The following PRPSAP2 variants were observed in gnomAD, a reference collection of about 807,000 sequenced individuals.
The protein encoded by PRPSAP2 is phosphoribosyl pyrophosphate synthetase associated protein 2, also known as phosphoribosyl pyrophosphate synthase-associated protein 2.
In PRPSAP2, 24 loss-of-function variants were observed where a neutral mutation model predicts 40.6. The ratio of observed to expected loss-of-function variants is 0.59; its 90% CI spans 0.43 to 0.83. The LOEUF (loss-of-function observed/expected upper bound fraction) is 0.83, where lower values mean the gene tolerates loss of function less well. Ranked by LOEUF, PRPSAP2 falls within the 40% of genes least tolerant of loss-of-function variation. The pLI is 0.00. For synonymous variants in PRPSAP2, 149 were observed against 164.7 expected (o/e 0.90, Z 0.73); for missense variants, 292 against 465.6 (o/e 0.63, Z 3.43).
chr17:18,866,486 C>T lies in PRPSAP2; in HGVS notation c.119+534C>T, dbSNP rs373928281. 4.0e-4 allele frequency among the ~76,000 whole-genome samples: 61 copies of T among 152,166 alleles called. 1 individual carries two copies. Among genetic ancestry groups the T allele is most frequent in the African/African-American group, 1.3e-3 (55 of 41,528 alleles). The stretch of plus-strand genomic sequence containing the variant: ...GGCTGAGGCAGGAGAATCGCTTGAA[C>T]GCAGGAGGGTTGCAGTGAGCTGAGA... On this transcript the variant is annotated intron_variant, in intron 3 of 11. Transcript: ENST00000268835.
chr17:18,896,361 C>T (rs184529881), intron 8 of PRPSAP2, among the ~76,000 whole-genome samples: 173 of 152,242 alleles, frequency 1.1e-3, no homozygotes, highest in African/African-American at 3.9e-3. Flanking sequence ...ATCTCCCACT[C>T]TCTTCAAGGT....
At position 18,867,310 on chromosome 17, in the gene PRPSAP2, C is replaced by T; in HGVS notation, c.148C>T (p.Gln50Ter). Residue 50 changes from glutamine (Q) to a stop codon, truncating the protein, a stop_gained, in exon 4 of 12, where the codon CAG becomes TAG. Transcript: ENST00000268835. LOFTEE classifies it high-confidence loss of function. ...GCTAGGGGTGGAGATGGGCAAAGTG[C>T]AGGTTTACCAGGAACCTAACAGAGG... ...ERLGVEMGKVQVYQEPNRETR... is the reference protein window; with the variant it reads ...ERLGVEMGKV 1 of 1,614,078 alleles carries T rather than the reference C, an allele frequency of 6.2e-7. No homozygotes were observed. Among genetic ancestry groups the T allele is most frequent in the Non-Finnish European group, 8.5e-7 (1 of 1,180,012 alleles).
intron 8 of PRPSAP2, among the ~76,000 whole-genome samples, chr17:18,899,968 C>T (rs1266261219): frequency 6.6e-6 from 1 of 152,230 alleles, no homozygotes; most frequent in Non-Finnish European, 1.5e-5. Context: ...CTCACTGCAA[C>T]CTCCGCTCCC....
intron 5 of PRPSAP2, among the ~76,000 whole-genome samples, chr17:18,877,245 CAGCAAAGGGG>C (rs541267816): frequency 1.7e-3 from 256 of 152,146 alleles, no homozygotes; most frequent in African/African-American, 6.0e-3. Flanking sequence ...GTAAGATGTA[CAGCAAAGGGG>C]AGCAGAGGGG....
intron 7 of PRPSAP2, among the ~76,000 whole-genome samples, chr17:18,885,431 T>TA (rs2039069033): frequency 4.8e-5 from 5 of 103,766 alleles, no homozygotes; most frequent in Non-Finnish European, 8.5e-5. Context: ...AAAAAAAAAT[T>TA]AATATGTGGG....
intron 6 of PRPSAP2, among the ~76,000 whole-genome samples, chr17:18,880,379 C>A (rs2038642021): frequency 6.6e-6 from 1 of 152,152 alleles, no homozygotes; most frequent in Non-Finnish European, 1.5e-5. Context: ...TCTCCAATTT[C>A]CAGGCTGGTG....
chr17:18,882,490 G>A, intron 6 of PRPSAP2, 78 bp from the exon 7 acceptor site: 2 of 920,114 alleles, frequency 2.2e-6, no homozygotes, highest in Admixed American at 4.0e-5. Flanking sequence ...CAGCCTGGGT[G>A]ACAGAATGGG....
chr17:18,919,686 A>G (rs1363695405), intron 9 of PRPSAP2, among the ~76,000 whole-genome samples: 1 of 152,164 alleles, frequency 6.6e-6, no homozygotes, highest in Non-Finnish European at 1.5e-5. Flanking sequence ...AGCAGGAGGG[A>G]ATGAACATTT....
At chr17:18,928,735 C>CA in intron 10 of PRPSAP2, 76 bp from the exon 11 acceptor site, 1 of 1,552,624 alleles carries the variant, frequency 6.4e-7, no homozygotes, top group Non-Finnish European at 8.8e-7. Context: ...TAGGCAGACC[C>CA]TTTTTTTTTC....
At chr17:18,878,784 C>T (rs1031747886) in intron 6 of PRPSAP2, among the ~76,000 whole-genome samples, 10 of 151,242 alleles carry the variant, frequency 6.6e-5, no homozygotes, top group African/African-American at 2.2e-4. Context: ...CTCAAACTCC[C>T]GACCCCGCCT....
chr17:18,897,445 C>T (rs1210203066), intron 8 of PRPSAP2, among the ~76,000 whole-genome samples: 1 of 102,774 alleles, frequency 9.7e-6, no homozygotes, highest in Non-Finnish European at 2.2e-5. Context: ...TGGTGCTTCT[C>T]TATAGTGGTG....
At chr17:18,876,860 G>A (rs1361514648) in intron 5 of PRPSAP2, among the ~76,000 whole-genome samples, 1 of 152,194 alleles carries the variant, frequency 6.6e-6, no homozygotes, top group Non-Finnish European at 1.5e-5. Context: ...CCCCTTAGCG[G>A]TGTGAGCTGC....
At chr17:18,887,314 CA>C (rs2039238871) in intron 7 of PRPSAP2, among the ~76,000 whole-genome samples, 1 of 151,686 alleles carries the variant, frequency 6.6e-6, no homozygotes, top group African/African-American at 2.4e-5. Flanking sequence ...TAAATGGGTT[CA>C]AACAATTCTC....
intron 8 of PRPSAP2, among the ~76,000 whole-genome samples, chr17:18,905,358 T>G (rs1038223330): frequency 1.3e-5 from 2 of 152,108 alleles, no homozygotes; most frequent in Non-Finnish European, 2.9e-5. Flanking sequence ...CATTGTGCTT[T>G]GTAGAGGTTG....
At chr17:18,877,557 A>G (rs2038395123) in intron 5 of PRPSAP2, 141 bp from the exon 6 acceptor site, 1 of 683,304 alleles carries the variant, frequency 1.5e-6, no homozygotes, top group Non-Finnish European at 2.3e-6. Flanking sequence ...GCCTGAGAAA[A>G]GAGGAATTTA....
At chr17:18,886,876 TCTGATGGTCTCTTC>T (rs2039186084) in intron 7 of PRPSAP2, among the ~76,000 whole-genome samples, 1 of 151,980 alleles carries the variant, frequency 6.6e-6, no homozygotes, top group South Asian at 2.1e-4. Flanking sequence ...CAAATTATAC[TCTGATGGTCTCTTC>T]CTGTGTCTTT....
chr17:18,882,418 A>C (rs895993509), intron 6 of PRPSAP2, 150 bp from the exon 7 acceptor site: 1 of 617,222 alleles, frequency 1.6e-6, no homozygotes, highest in South Asian at 2.0e-5. Flanking sequence ...GGCTGAGGTG[A>C]GAGGATTGCT....
chr17:18,862,451 T>TAAAA (rs60291020), intron 1 of PRPSAP2, among the ~76,000 whole-genome samples: 3 of 151,240 alleles, frequency 2.0e-5, no homozygotes, highest in Non-Finnish European at 3.0e-5. Context: ...TTAGGGGGTG[T>TAAAA]AAAAAAAATG....
intron 8 of PRPSAP2, among the ~76,000 whole-genome samples, chr17:18,897,279 A>ATTCAGC (rs2039965249): frequency 6.6e-6 from 1 of 152,096 alleles, no homozygotes; most frequent in South Asian, 2.1e-4. Context: ...CTTTAACAAG[A>ATTCAGC]TTCAGCTGTT....
Sources: gnomAD v4.1 joint callset for allele counts (sites outside exome capture counted in the v4.1 genomes callset) on GRCh38, gnomAD v4.1.1 for gene constraint, MANE v1.5 for transcripts, NCBI Gene and HGNC (gene_info 2026-07-23, HGNC 2026-07-21) for gene names.